The following NLGN4Y variants were observed in gnomAD, a reference collection of about 807,000 sequenced individuals.
The protein encoded by NLGN4Y is neuroligin 4 Y-linked.
A neutral mutation model predicts 8.4 loss-of-function variants in NLGN4Y; 4 were observed. The ratio of observed to expected loss-of-function variants is 0.48; its 90% CI spans 0.23 to 1.09. The LOEUF is 1.09. Among genes scored for constraint, NLGN4Y ranks in the 50% least tolerant of loss-of-function variants. The probability of loss-of-function intolerance (pLI) is 0.19; values close to 1 mark genes in which losing one functional copy is unlikely to be tolerated. For synonymous variants in NLGN4Y, 35 were observed against 75.6 expected (o/e 0.46, Z 2.78); for missense variants, 90 against 192.3 (o/e 0.47, Z 3.15).
intron 1 of NLGN4Y, among the ~76,000 whole-genome samples, chrY:14,541,314 C>A (rs2080148788): frequency 3.0e-5 from 1 of 33,063 alleles, no homozygotes; most frequent in Non-Finnish European, 7.4e-5. Flanking sequence ...GTGAAAAGAC[C>A]AAATTTAAGT....
At chrY:14,526,085 T>C (rs2080092545) in intron 1 of NLGN4Y, among the ~76,000 whole-genome samples, 1 of 33,729 alleles carries the variant, frequency 3.0e-5, no homozygotes, top group African/African-American at 1.2e-4. Flanking sequence ...ACAAGAGACC[T>C]GATTGCTTTC....
chrY:14,635,947 G>A, intron 2 of NLGN4Y, among the ~76,000 whole-genome samples: 1 of 32,827 alleles, frequency 3.0e-5, no homozygotes, highest in Non-Finnish European at 7.4e-5. Context: ...ATCCAGTCTT[G>A]AGATGAATAT....
chrY:14,704,681 G>A (rs2080869481), intron 2 of NLGN4Y, among the ~76,000 whole-genome samples: 2 of 33,074 alleles, frequency 6.0e-5, no homozygotes, highest in African/African-American at 2.4e-4. Flanking sequence ...CTCATAAAAC[G>A]AGTTAGGGAG....
chrY:14,772,440 G>A (rs2081110545), intron 4 of NLGN4Y, among the ~76,000 whole-genome samples: 2 of 32,910 alleles, frequency 6.1e-5, no homozygotes, highest in Admixed American at 5.6e-4. Context: ...AACCAAAAAC[G>A]GCACAGAATC....
chrY:14,712,968 C>A (rs2080904277), intron 2 of NLGN4Y, among the ~76,000 whole-genome samples: 3 of 33,163 alleles, frequency 9.0e-5, no homozygotes, highest in Admixed American at 2.7e-4. Flanking sequence ...CCTCTGTGGC[C>A]AAGTGATAAA....
chrY:14,668,137 T>C, intron 2 of NLGN4Y, among the ~76,000 whole-genome samples: 1 of 33,200 alleles, frequency 3.0e-5, no homozygotes, highest in East Asian at 8.1e-4. Context: ...AAAAGTTATA[T>C]GAACCTATTT....
intron 2 of NLGN4Y, among the ~76,000 whole-genome samples, chrY:14,706,023 G>C: frequency 3.0e-5 from 1 of 33,117 alleles, no homozygotes; most frequent in South Asian, 6.6e-4. Context: ...AGTGTCATCA[G>C]GGATACGTAC....
At chrY:14,642,169 T>C in intron 2 of NLGN4Y, among the ~76,000 whole-genome samples, 1 of 33,253 alleles carries the variant, frequency 3.0e-5, no homozygotes, top group South Asian at 6.8e-4. Flanking sequence ...CAAACAAGCG[T>C]GTATGTTTGG....
intron 4 of NLGN4Y, among the ~76,000 whole-genome samples, chrY:14,743,278 G>A: frequency 3.1e-5 from 1 of 32,675 alleles, no homozygotes; most frequent in African/African-American, 1.2e-4. Context: ...TGGATCACTT[G>A]AGGGAAAGAG....
chrY:14,789,627 G>C (rs2042979084), intron 4 of NLGN4Y, among the ~76,000 whole-genome samples: 2 of 33,359 alleles, frequency 6.0e-5, no homozygotes, highest in Non-Finnish European at 1.5e-4. Flanking sequence ...GGCTCAAGCA[G>C]TTCTTCCATC....
intron 2 of NLGN4Y, among the ~76,000 whole-genome samples, chrY:14,623,415 C>T (rs1018946031): frequency 8.9e-5 from 3 of 33,625 alleles, no homozygotes; most frequent in Admixed American, 2.7e-4. Flanking sequence ...TCCCGGTTAG[C>T]ATTTCCATAT....
At chrY:14,552,684 A>G (rs777695315) in intron 1 of NLGN4Y, among the ~76,000 whole-genome samples, 98 of 33,756 alleles carry the variant, frequency 2.9e-3, no homozygotes, top group Admixed American at 5.2e-3. Flanking sequence ...ACCACACATG[A>G]TTATCTCAAT....
intron 2 of NLGN4Y, among the ~76,000 whole-genome samples, chrY:14,678,409 G>A (rs2080757545): frequency 9.0e-5 from 3 of 33,181 alleles, no homozygotes; most frequent in African/African-American, 3.5e-4. Context: ...TGGCAGCACC[G>A]CCCCAAAACT....
chrY:14,525,253 T>G (rs2150457250), intron 1 of NLGN4Y, among the ~76,000 whole-genome samples: 1 of 33,471 alleles, frequency 3.0e-5, no homozygotes, highest in Non-Finnish European at 7.4e-5. Flanking sequence ...TTTTTTTCTT[T>G]TTTTTTCCCG....
At chrY:14,836,730 G>T in intron 6 of NLGN4Y, among the ~76,000 whole-genome samples, 1 of 32,534 alleles carries the variant, frequency 3.1e-5, no homozygotes. Flanking sequence ...CATGATCTGT[G>T]CACCCCAGCC....
intron 1 of NLGN4Y, among the ~76,000 whole-genome samples, chrY:14,590,504 C>T (rs2150491339): frequency 3.0e-5 from 1 of 33,724 alleles, no homozygotes; most frequent in African/African-American, 1.2e-4. Flanking sequence ...GCCAGCAAGT[C>T]GGTCCAGGGG....
intron 1 of NLGN4Y, among the ~76,000 whole-genome samples, chrY:14,533,379 A>G (rs2080120669): frequency 6.0e-5 from 2 of 33,299 alleles, no homozygotes; most frequent in South Asian, 6.8e-4. Flanking sequence ...ATTGTAATAT[A>G]TTTTAGTCTA....
intron 4 of NLGN4Y, among the ~76,000 whole-genome samples, chrY:14,818,274 C>T: frequency 3.1e-5 from 1 of 32,563 alleles, no homozygotes; most frequent in Non-Finnish European, 7.4e-5. Flanking sequence ...TATGTCCCTT[C>T]CTAATAAGGG....
intron 2 of NLGN4Y, among the ~76,000 whole-genome samples, chrY:14,695,686 G>A (rs2080825162): frequency 6.0e-5 from 2 of 33,270 alleles, no homozygotes; most frequent in Admixed American, 2.8e-4. Context: ...AGGATGCGGT[G>A]GCTGTCAGTG....
Sources: gnomAD v4.1 joint callset for allele counts (sites outside exome capture counted in the v4.1 genomes callset) on GRCh38, gnomAD v4.1.1 for gene constraint, MANE v1.5 for transcripts, NCBI Gene and HGNC (gene_info 2026-07-23, HGNC 2026-07-21) for gene names.